Variants in HDAC9 observed in about 807,000 individuals in gnomAD.
HDAC9 encodes the protein histone deacetylase 9, also known as MEF-2 interacting transcription repressor (MITR) protein.
HDAC9 carries 41 observed loss-of-function variants against 139.4 expected under a neutral mutation model. That is an observed-to-expected ratio of 0.29 (90% CI 0.23 to 0.38). The LOEUF (loss-of-function observed/expected upper bound fraction) is 0.38, where lower values mean the gene tolerates loss of function less well. Ranked by LOEUF, HDAC9 falls within the 10% of genes least tolerant of loss-of-function variation. HDAC9 has a pLI of 1.00. For missense variants in HDAC9, 1,147 were observed against 1,297.0 expected, an observed-to-expected ratio of 0.88 and a Z score of 1.78; for synonymous variants, 517 against 476.2, an observed-to-expected ratio of 1.09 and a Z score of -1.12.
At chr7:18,345,297 C>G (rs956322752) in intron 1 of HDAC9, among the ~76,000 whole-genome samples, 4 of 151,852 alleles carry the variant, frequency 2.6e-5, no homozygotes, top group Admixed American at 2.0e-4. Context: ...ATATTTTAGC[C>G]TAAAATGTTC....
At chr7:18,817,313 C>A (rs1210661142) in intron 17 of HDAC9, among the ~76,000 whole-genome samples, 1 of 152,024 alleles carries the variant, frequency 6.6e-6, no homozygotes, top group African/African-American at 2.4e-5. Context: ...GGTTTACAGG[C>A]GTGAGCCACC....
chr7:18,813,682 C>G (rs9655161), intron 17 of HDAC9, among the ~76,000 whole-genome samples: 12,426 of 152,194 alleles, frequency 0.082, 577 homozygotes, highest in South Asian at 0.18. Context: ...GGGAAACTAC[C>G]TTGTTTTCAA....
intron 1 of HDAC9, among the ~76,000 whole-genome samples, chr7:18,088,718 C>T (rs998675556): frequency 1.3e-5 from 2 of 151,940 alleles, no homozygotes; most frequent in Non-Finnish European, 2.9e-5. Flanking sequence ...TGCCTTTTAC[C>T]ACAGATAATT....
At position 18,129,004 on chromosome 7, in the gene HDAC9, C is replaced by T. The variant is rs78548708; in HGVS notation, c.-96-33225C>T. On this transcript the variant is annotated intron_variant, in intron 1 of 12. Transcript: ENST00000417496. ...TCTGGATTTCCAGAGCGCATTTCTC[C>T]TCATGTGCTTTTTCGCAAGAGAGAG... 9.5e-3 allele frequency among the ~76,000 whole-genome samples: 1,448 copies of T among 152,190 alleles called. 50 individuals are homozygous for T. In the East Asian group the frequency reaches 0.11, roughly 11 times the overall value.
intron 1 of HDAC9, among the ~76,000 whole-genome samples, chr7:18,333,814 T>G (rs1399063712): frequency 6.6e-6 from 1 of 151,334 alleles, no homozygotes; most frequent in Non-Finnish European, 1.5e-5. Context: ...AAAGTGGAGT[T>G]TATATATGCA....
At chr7:18,128,300 C>T (rs1488355215) in intron 1 of HDAC9, among the ~76,000 whole-genome samples, 2 of 152,024 alleles carry the variant, frequency 1.3e-5, no homozygotes, top group Non-Finnish European at 2.9e-5. Context: ...GACCACTAAG[C>T]AGGAAGCGTG....
chr7:18,598,221 A>G (rs1273814182), intron 6 of HDAC9, among the ~76,000 whole-genome samples: 1 of 152,208 alleles, frequency 6.6e-6, no homozygotes, highest in Non-Finnish European at 1.5e-5. Context: ...TTCTGCAAAG[A>G]TATCATTAAA....
At chr7:18,535,236 C>A (rs1226742329) in intron 2 of HDAC9, among the ~76,000 whole-genome samples, 4 of 152,152 alleles carry the variant, frequency 2.6e-5, no homozygotes, top group African/African-American at 9.6e-5. Flanking sequence ...TATGGCATTT[C>A]TGAAGGGAGT....
chr7:18,220,310 T>A (rs554262699), intron 2 of HDAC9, among the ~76,000 whole-genome samples: 13 of 152,274 alleles, frequency 8.5e-5, no homozygotes, highest in South Asian at 6.2e-4. Context: ...TGCTGAAAGA[T>A]TAAAAATAGA....
intron 17 of HDAC9, among the ~76,000 whole-genome samples, chr7:18,807,392 T>A (rs913365700): frequency 2.0e-5 from 3 of 152,154 alleles, no homozygotes; most frequent in African/African-American, 7.2e-5. Context: ...TGAAACCAAC[T>A]GTTTTGTTGA....
chr7:18,229,963 T>C (rs991768771), intron 2 of HDAC9, among the ~76,000 whole-genome samples: 7 of 152,214 alleles, frequency 4.6e-5, no homozygotes, highest in Non-Finnish European at 1.0e-4. Flanking sequence ...ATGAACAGTG[T>C]CTTGAACTTA....
intron 2 of HDAC9, among the ~76,000 whole-genome samples, chr7:18,547,016 A>T (rs1249474599): frequency 5.3e-5 from 8 of 152,156 alleles, no homozygotes; most frequent in Non-Finnish European, 1.2e-4. Context: ...TTCAGCCTAT[A>T]AAAGTTATGT....
intron 22 of HDAC9, among the ~76,000 whole-genome samples, chr7:18,905,794 G>A (rs753242697): frequency 3.0e-4 from 45 of 151,954 alleles, no homozygotes; most frequent in Non-Finnish European, 4.9e-4. Flanking sequence ...CTTAGCACTC[G>A]CACTCCTTCT....
At chr7:18,331,871 C>T (rs1800951025) in intron 1 of HDAC9, among the ~76,000 whole-genome samples, 1 of 151,552 alleles carries the variant, frequency 6.6e-6, no homozygotes, top group Admixed American at 6.6e-5. Flanking sequence ...AACAATATCA[C>T]CTCCAAACTC....
chr7:18,602,858 A>G (rs866850901), intron 6 of HDAC9, among the ~76,000 whole-genome samples: 1 of 152,090 alleles, frequency 6.6e-6, no homozygotes, highest in African/African-American at 2.4e-5. Flanking sequence ...GTTGAGGTAC[A>G]TCTTATGCCT....
chr7:18,121,939 C>A (rs1411693292), intron 1 of HDAC9, among the ~76,000 whole-genome samples: 1 of 152,144 alleles, frequency 6.6e-6, no homozygotes, highest in Non-Finnish European at 1.5e-5. Flanking sequence ...TATGTCATAT[C>A]CAACCTTGAT....
chr7:18,993,538 AC>A (rs1296511288), intron 25 of HDAC9, among the ~76,000 whole-genome samples: 1 of 152,130 alleles, frequency 6.6e-6, no homozygotes, highest in Non-Finnish European at 1.5e-5. Context: ...ATGGTGGCGT[AC>A]CCCTGTAGTC....
chr7:18,647,290 A>G (rs1057018126), intron 9 of HDAC9, among the ~76,000 whole-genome samples: 2 of 152,188 alleles, frequency 1.3e-5, no homozygotes, highest in East Asian at 1.9e-4. Context: ...TAAAAGGTAC[A>G]TATATTTGTG....
chr7:18,707,626 A>G (rs1784030006), intron 12 of HDAC9, among the ~76,000 whole-genome samples: 1 of 152,196 alleles, frequency 6.6e-6, no homozygotes, highest in Non-Finnish European at 1.5e-5. Context: ...GGTAGGGAAG[A>G]ACAAAACTAC....
Sources: allele counts gnomAD v4.1 joint callset (sites outside exome capture counted in the v4.1 genomes callset), GRCh38; gene constraint gnomAD v4.1.1; transcripts MANE v1.5; gene names NCBI Gene and HGNC (gene_info 2026-07-23, HGNC 2026-07-21).